KAT5: variants seen among roughly 807,000 people sequenced by gnomAD.
KAT5 encodes the protein histone acetyltransferase KAT5.
In KAT5, 31 loss-of-function variants were observed where a neutral mutation model predicts 68.1. The observed-to-expected ratio is 0.46, with a 90% CI of 0.34 to 0.61. The LOEUF (loss-of-function observed/expected upper bound fraction) is 0.61, where lower values mean the gene tolerates loss of function less well. Ranked by LOEUF, KAT5 falls within the 20% of genes least tolerant of loss-of-function variation. The pLI is 0.01. For missense variants in KAT5, 451 were observed against 725.5 expected, an observed-to-expected ratio of 0.62 and a Z score of 4.35; for synonymous variants, 365 against 292.6, an observed-to-expected ratio of 1.25 and a Z score of -2.52.
At chr11:65,719,020 CCTG>C (rs1488795966) in intron 12 of KAT5, 24 bp from the exon 13 acceptor site, 7 of 1,614,064 alleles carry the variant, frequency 4.3e-6, no homozygotes, top group Non-Finnish European at 5.1e-6. Flanking sequence ...GGGCTGACCA[CCTG>C]CTGAACCCAT....
chr11:65,717,817 G>A (rs1449965244), intron 10 of KAT5: 1 of 152,604 alleles, frequency 6.6e-6, no homozygotes, highest in Non-Finnish European at 1.5e-5. Flanking sequence ...GGATGTGAGT[G>A]GGACCAGCAA....
intron 6 of KAT5, chr11:65,714,270 G>A (rs1267085101): frequency 3.4e-6 from 2 of 590,714 alleles, no homozygotes; most frequent in Non-Finnish European, 5.9e-6. Flanking sequence ...CCTCCAGCCT[G>A]GGCGACAGAC....
In KAT5 at chr11:65,712,424, C is replaced by A; in HGVS notation, c.157C>A (p.Gln53Lys). Reference sequence around the variant, plus strand: ...CCGCCTACCCGTGCTGCGGCGGAACCAGGACAACGAAGATGAGTGGCGTGA... The same window carrying A: ...CCGCCTACCCGTGCTGCGGCGGAACAAGGACAACGAAGATGAGTGGCGTGA... ...GCRLPVLRRN[Q>K]DNEDEWPLAE... The change falls in exon 1 of 13, where the codon CAG (glutamine) becomes AAG (lysine). Residue 53 changes from glutamine to lysine, a missense_variant. Physicochemically the swap from Gln to Lys is moderately conservative, Grantham distance 53. This residue lies in a region of KAT5 where 104 missense variants were observed against 107.3 expected (regional missense o/e 0.97). Coordinates refer to ENST00000341318, the MANE Select transcript of KAT5 (RefSeq NM_182710.3). The A allele has an allele frequency of 6.3e-7, 1 of 1,593,332 alleles. No homozygotes were observed. Among genetic ancestry groups the A allele is most frequent in the South Asian group, 1.1e-5 (1 of 88,806 alleles).
upstream of KAT5, chr11:65,712,141 G>A (rs553406787): frequency 3.2e-6 from 3 of 931,196 alleles, no homozygotes; most frequent in African/African-American, 1.7e-5. Flanking sequence ...GCCCCTCGCA[G>A]CTGGGTCGCG....
rs1444776790 is a variant in KAT5, at chr11:65,718,600, C to T, written c.1275C>T (p.Leu425=). Residue 425 remains leucine, a synonymous_variant, in exon 11 of 13, where the codon CTC becomes CTT. Coordinates refer to ENST00000341318, the MANE Select transcript of KAT5 (RefSeq NM_182710.3). ...GCTCCATTGCTTTAGGCTATGAACT[C>T]TCCAAAGTGGAAGGGAAAACAGGGA... ...GKLLIEFSYE[L]SKVEGKTGTP... The T allele has an allele frequency of 3.1e-6, 5 of 1,614,180 alleles. No homozygotes were observed. The highest frequency in any genetic ancestry group is 4.2e-6 in the Non-Finnish European group (5 of 1,180,012).
intron 10 of KAT5, chr11:65,718,042 C>T (rs1857261867): frequency 6.5e-6 from 1 of 153,682 alleles, no homozygotes; most frequent in Non-Finnish European, 1.4e-5. Context: ...TCACGTGGCT[C>T]CCAGGAATGG....
chr11:65,712,166 T>C, upstream of KAT5: 7 of 1,178,770 alleles, frequency 5.9e-6, no homozygotes, highest in Non-Finnish European at 7.9e-6. Context: ...CTCTCAAAGG[T>C]CCCCCTCTAC....
chr11:65,714,676 C>T lies in KAT5; in HGVS notation c.872C>T (p.Pro291Leu). Residue 291 changes from proline to leucine, a missense_variant, in exon 7 of 13, where the codon CCT becomes CTT. Physicochemically the swap from Pro to Leu is moderately conservative, Grantham distance 98. Around this residue, in one of 4 missense-constraint regions of KAT5, gnomAD observed 210 missense variants for 423.7 expected, o/e 0.50. Transcript: ENST00000341318. ...TACCCACAGGAACTCACCACATTGC[C>T]TGTCCTCTACCTGTGCGAGTTCTGC... ...SPYPQELTTL[P>L]VLYLCEFCLK... The T allele has an allele frequency of 6.2e-7, 1 of 1,614,222 alleles. No homozygotes were observed. Among genetic ancestry groups the T allele is most frequent in the Non-Finnish European group, 8.5e-7 (1 of 1,180,044 alleles).
At chr11:65,713,113 G>C (rs970797746) in intron 3 of KAT5, 55 bp downstream of exon 3, 2 of 1,606,260 alleles carry the variant, frequency 1.2e-6, no homozygotes, top group Middle Eastern at 2.3e-4. Flanking sequence ...TCTCTTGTCT[G>C]TTGGCATTAG....
chr11:65,716,635 C>T (rs1253290916), intron 8 of KAT5, 32 bp from the exon 9 acceptor site: 2 of 1,607,504 alleles, frequency 1.2e-6, no homozygotes, highest in Non-Finnish European at 1.7e-6. Flanking sequence ...AGGCGGGATA[C>T]CCAGAGTGGT....
intron 3 of KAT5, 117 bp downstream of exon 3, chr11:65,713,175 C>G: frequency 7.0e-7 from 1 of 1,426,078 alleles, no homozygotes; most frequent in South Asian, 1.3e-5. Context: ...CTTCATCTTG[C>G]AAAGGATGGG....
chr11:65,718,708 G>A lies in KAT5; in HGVS notation c.1383G>A (p.Gly461=), dbSNP rs1157347764. 1 of 1,614,082 alleles carries A rather than the reference G, an allele frequency of 6.2e-7. No individual in the cohort carries two copies. Among genetic ancestry groups the A allele is most frequent in the East Asian group, 2.2e-5 (1 of 44,896 alleles). The change falls in exon 11 of 13, where the codon GGG becomes GGA. Residue 461 remains glycine (G), a synonymous_variant. Coordinates refer to ENST00000341318, the MANE Select transcript of KAT5 (RefSeq NM_182710.3). ...AGACCATCCTGGAGATCCTGATGGGGCTGAAGTCGGAGAGCGGGGAGAGGC... is the reference window on the plus strand; with the variant it reads ...AGACCATCCTGGAGATCCTGATGGGACTGAAGTCGGAGAGCGGGGAGAGGC... ...WSQTILEILM[G]LKSESGERPQ... is the part of the protein sequence containing the mutation.
At chr11:65,718,838 G>A (rs1408465090) in intron 11 of KAT5, 35 bp from the exon 12 acceptor site, 3 of 1,612,352 alleles carry the variant, frequency 1.9e-6, no homozygotes, top group South Asian at 1.1e-5. Flanking sequence ...GACAGATAAA[G>A]GTCCTCAGGG....
In KAT5 at chr11:65,714,745, T is replaced by C; in HGVS notation, c.939+2T>C. 6.2e-7 allele frequency: 1 copy of C among 1,614,158 alleles called. No homozygotes were observed. Among genetic ancestry groups the C allele is most frequent in the Non-Finnish European group, 8.5e-7 (1 of 1,180,032 alleles). On this transcript the variant is annotated splice_donor_variant, in intron 7 of 12. Transcript: ENST00000341318. LOFTEE classifies it high-confidence loss of function. ...CTCAAGTGTCTTCAGCGTCATTTGG[T>C]ATGAGGGGTCCAGGGAGGCTGCCTT...
chr11:65,713,322 G>A, intron 3 of KAT5, 26 bp from the exon 4 acceptor site: 1 of 1,607,952 alleles, frequency 6.2e-7, no homozygotes, highest in East Asian at 2.2e-5. Flanking sequence ...CCGCCCCAAA[G>A]GAAGACCCTG....
chr11:65,716,578 A>T, intron 8 of KAT5, 89 bp from the exon 9 acceptor site: 1 of 1,295,450 alleles, frequency 7.7e-7, no homozygotes, highest in Non-Finnish European at 1.1e-6. Context: ...GGGGCATAGC[A>T]CGAACAGTGA....
chr11:65,715,153 A>G, intron 8 of KAT5: 1 of 524,522 alleles, frequency 1.9e-6, no homozygotes, highest in Non-Finnish European at 3.5e-6. Context: ...CATGAAACAG[A>G]GGGTAGGTTA....
rs1257597933 is a variant in KAT5, at chr11:65,718,429, TC to T, written c.1265-159del. The T allele has an allele frequency of 7.4e-5, 53 of 716,666 alleles. No homozygotes were observed. The East Asian group carries it at 1.2e-3, about 16-fold the overall frequency. The allele number at this position is 716,666 out of a possible 1,614,324, so 44.4% of individuals were successfully genotyped here. ...ACGGAAAGAGTGAATACTCAGTTCT[TC>T]CTGAGGGAACTGAGGCACAGAGAAG... On this transcript the variant is annotated intron_variant, in intron 10 of 12. Transcript: ENST00000341318.
At chr11:65,712,657 C>A in intron 1 of KAT5, 109 bp from the exon 2 acceptor site, 1 of 1,384,838 alleles carries the variant, frequency 7.2e-7, no homozygotes, top group South Asian at 1.2e-5. Context: ...TAGGAGAGAC[C>A]TAAGTGCTGG....
Sources: gnomAD v4.1 joint callset for allele counts on GRCh38, gnomAD v4.1.1 for gene constraint, gnomAD v4.1.1 regional missense constraint, MANE v1.5 for transcripts, NCBI Gene and HGNC (gene_info 2026-07-23, HGNC 2026-07-21) for gene names.